The following FGFR1 variants were observed in gnomAD, a reference collection of about 807,000 sequenced individuals.
FGFR1 encodes fibroblast growth factor receptor 1, also known as FGFR1/PLAG1 fusion.
FGFR1 carries 18 observed loss-of-function variants against 93.7 expected under a neutral mutation model. The ratio of observed to expected loss-of-function variants is 0.19; its 90% CI spans 0.13 to 0.28. FGFR1 has a LOEUF of 0.28. Ranked by LOEUF, FGFR1 falls within the 10% of genes least tolerant of loss-of-function variation. FGFR1 has a pLI of 1.00. For missense variants in FGFR1, 731 were observed against 1,080.4 expected, an observed-to-expected ratio of 0.68 and a Z score of 4.53; for synonymous variants, 448 against 429.3, an observed-to-expected ratio of 1.04 and a Z score of -0.54.
rs34379209 is a variant in FGFR1, at chr8:38,463,970, TA to T, written c.-89+4010del. On this transcript the variant is annotated intron_variant, in intron 1 of 17. Transcript: ENST00000447712. ...GAAATGCTAATTTTTTGAGTCTCTT[TA>T]AAAAAAAAAAGTGTCTAAATGTCCT... Among the ~76,000 whole-genome samples the T allele has an allele frequency of 6.9e-3, 1,006 of 145,012 alleles. 13 individuals carry two copies. Among genetic ancestry groups the T allele is most frequent in the African/African-American group, 0.023 (915 of 39,672 alleles).
intron 2 of FGFR1, among the ~76,000 whole-genome samples, chr8:38,453,903 C>T (rs10101126): frequency 6.6e-6 from 1 of 152,092 alleles, no homozygotes; most frequent in South Asian, 2.1e-4. Context: ...TAAAACCAAC[C>T]AACCAACAAA....
At chr8:38,431,727 G>C (rs1257213325) in intron 2 of FGFR1, among the ~76,000 whole-genome samples, 1 of 152,176 alleles carries the variant, frequency 6.6e-6, no homozygotes, top group Non-Finnish European at 1.5e-5. Context: ...GTCAGAAACA[G>C]GGGTACTGCT....
rs1563486791 is a variant in FGFR1 at position 38,424,375 on chromosome 8, T to TG, written c.936+133dup. 4 of 922,136 alleles carry TG rather than the reference T, an allele frequency of 4.3e-6. No homozygotes were observed. In the Admixed American group the frequency reaches 5.9e-5, roughly 14 times the overall value. 57.1% of individuals were successfully genotyped at this position (922,136 alleles called of 1,614,324 possible). A position where few individuals can be genotyped will look rare whatever the true frequency, so the allele number is the denominator to read the frequency against. On this transcript the variant is annotated intron_variant, in intron 7 of 17. Transcript: ENST00000447712. The surrounding 1 kb of genome is among the most constrained non-coding windows in gnomAD (Gnocchi z 4.3). ...GGATGTGGCTAGATCCCTACTGAGA[T>TG]GGAGTGTGTGTGCCTGAAGCGTGAG...
intron 2 of FGFR1, among the ~76,000 whole-genome samples, chr8:38,454,889 C>A (rs914785204): frequency 2.0e-5 from 3 of 151,668 alleles, no homozygotes; most frequent in African/African-American, 7.3e-5. Context: ...AATTAACTTT[C>A]TGAAAGCTGA....
intron 12 of FGFR1, 26 bp downstream of exon 12, chr8:38,417,280 G>A (rs1359224566): frequency 6.3e-7 from 1 of 1,582,836 alleles, no homozygotes. Flanking sequence ...CGCTGGGCAG[G>A]GAAAGCCAGT....
At chr8:38,438,146 C>T (rs1480799609) in intron 2 of FGFR1, among the ~76,000 whole-genome samples, 1 of 152,182 alleles carries the variant, frequency 6.6e-6, no homozygotes, top group Non-Finnish European at 1.5e-5. Context: ...GAGGTTGATC[C>T]TACTATGATT....
chr8:38,465,318 G>A (rs1835265933), intron 1 of FGFR1: 2 of 232,582 alleles, frequency 8.6e-6, no homozygotes, highest in South Asian at 3.6e-4. Flanking sequence ...CCTCGAAAAT[G>A]AGCATTTCTG....
chr8:38,446,206 T>A (rs956028785), intron 2 of FGFR1, among the ~76,000 whole-genome samples: 16 of 122,132 alleles, frequency 1.3e-4, no homozygotes, highest in Admixed American at 1.2e-3. Flanking sequence ...CTCTCCCACC[T>A]TTTTTTTTTT....
At chr8:38,440,465 C>A in intron 2 of FGFR1, 1 of 1,054,272 alleles carries the variant, frequency 9.5e-7, no homozygotes, top group Non-Finnish European at 1.4e-6. Context: ...AAATGGGGGG[C>A]ACAGGTATGT....
intron 12 of FGFR1, 150 bp from the exon 13 acceptor site, chr8:38,416,210 C>A: frequency 1.4e-6 from 1 of 691,176 alleles, no homozygotes; most frequent in African/African-American, 1.8e-5. Context: ...ATTCTACTAC[C>A]CAAAAAAAAT....
Position 38,413,603 on chromosome 8 carries a change from T to G in FGFR1, c.*25A>C, listed in dbSNP as rs1586082591. The G allele has an allele frequency of 6.3e-7, 1 of 1,590,402 alleles. No homozygotes were observed. The highest frequency in any genetic ancestry group is 8.5e-7 in the Non-Finnish European group (1 of 1,169,724). ...GTGAGGGTTACAGCTGACGGTGGAG[T>G]CTGGGGAGGGCGTGTGGGTGGCAGT... is the stretch of plus-strand genomic sequence containing the variant. On this transcript the variant is annotated 3_prime_UTR_variant, in exon 18 of 18. Transcript: ENST00000447712. This position sits in a 1 kb window ranked among gnomAD's most constrained non-coding sequence, Gnocchi z 4.2.
At chr8:38,462,078 C>T (rs10111964) in intron 1 of FGFR1, among the ~76,000 whole-genome samples, 121 of 152,130 alleles carry the variant, frequency 8.0e-4, no homozygotes, top group African/African-American at 2.8e-3. Flanking sequence ...AAGTATACAC[C>T]GCATCTTAAA....
chr8:38,439,129 C>T (rs539464912), intron 2 of FGFR1, among the ~76,000 whole-genome samples: 24 of 152,240 alleles, frequency 1.6e-4, no homozygotes, highest in South Asian at 2.1e-4. Context: ...ACTTGTGTTC[C>T]TTCCCATTTA....
chr8:38,419,808 A>G (rs902036195), intron 8 of FGFR1, 73 bp from the exon 9 acceptor site: 6 of 1,317,190 alleles, frequency 4.6e-6, no homozygotes, highest in Non-Finnish European at 6.5e-6. Flanking sequence ...CCATTAGAAA[A>G]GCAACACCTG....
intron 10 of FGFR1, 117 bp downstream of exon 10, chr8:38,418,111 T>C: frequency 1.2e-6 from 2 of 1,606,784 alleles, no homozygotes; most frequent in South Asian, 2.2e-5. Flanking sequence ...GAATGAATGT[T>C]TCTGCAGGCA....
In FGFR1 at chr8:38,411,996, T is replaced by C. The variant is rs13317; in HGVS notation, c.*1632A>G. On this transcript the variant is annotated 3_prime_UTR_variant, in exon 18 of 18. Coordinates refer to ENST00000447712, the MANE Select transcript of FGFR1 (RefSeq NM_023110.3). The stretch of plus-strand genomic sequence containing the variant: ...CATGTTCTCCTGCACTTAGAAGCAC[T>C]GGCAAAACCATGCCCACATAGAGGG... 53,679 of 230,686 alleles carry C rather than the reference T, an allele frequency of 0.23. 6,569 individuals are homozygous for C. The highest frequency in any genetic ancestry group is 0.35 in the East Asian group (5,714 of 16,190). 14.3% of individuals were successfully genotyped at this position (230,686 alleles called of 1,614,324 possible).
intron 2 of FGFR1, among the ~76,000 whole-genome samples, chr8:38,450,089 G>A (rs1003484921): frequency 2.0e-5 from 3 of 152,212 alleles, no homozygotes; most frequent in Non-Finnish European, 4.4e-5. Context: ...GCTTCTCCTA[G>A]GAGGAAACAG....
chr8:38,425,703 A>ATGCGCCTG (rs1162914605), intron 6 of FGFR1, among the ~76,000 whole-genome samples: 1 of 152,222 alleles, frequency 6.6e-6, no homozygotes, highest in Non-Finnish European at 1.5e-5. Context: ...CTCTGAGCCT[A>ATGCGCCTG]TGCGCCTGTG....
intron 2 of FGFR1, among the ~76,000 whole-genome samples, chr8:38,448,521 C>T (rs1830094793): frequency 6.6e-6 from 1 of 152,150 alleles, no homozygotes; most frequent in Non-Finnish European, 1.5e-5. Context: ...GCCACCGCGC[C>T]CAGCCTAAAC....
Sources: allele counts gnomAD v4.1 joint callset (sites outside exome capture counted in the v4.1 genomes callset), GRCh38; gene constraint gnomAD v4.1.1; non-coding constraint Gnocchi (gnomAD v3.1); transcripts MANE v1.5; gene names NCBI Gene and HGNC (gene_info 2026-07-23, HGNC 2026-07-21).